ZFPM2: variants seen among roughly 807,000 people sequenced by gnomAD.
ZFPM2 encodes zinc finger protein ZFPM2.
Under a neutral mutation model 98.6 loss-of-function variants are expected in ZFPM2, and 20 were observed. The observed-to-expected ratio is 0.20, with a 90% CI of 0.14 to 0.29. The LOEUF is 0.29. Ranked by LOEUF, ZFPM2 falls within the 10% of genes least tolerant of loss-of-function variation. The pLI is 1.00. For synonymous variants in ZFPM2, 518 were observed against 502.7 expected (o/e 1.03, Z -0.41); for missense variants, 1,310 against 1,388.6 (o/e 0.94, Z 0.90).
chr8:105,612,375 T>C (rs1227491901), intron 4 of ZFPM2, among the ~76,000 whole-genome samples: 10 of 149,558 alleles, frequency 6.7e-5, no homozygotes, highest in East Asian at 1.9e-4. Context: ...AAACGTCCAA[T>C]TGAAAAAAAA....
intron 3 of ZFPM2, among the ~76,000 whole-genome samples, chr8:105,466,388 A>G (rs535403311): frequency 6.6e-6 from 1 of 152,200 alleles, no homozygotes; most frequent in East Asian, 1.9e-4. Context: ...CTTACTATAA[A>G]TTAATTTCTG....
At chr8:105,403,288 T>G (rs1378763313) in intron 1 of ZFPM2, among the ~76,000 whole-genome samples, 1 of 152,042 alleles carries the variant, frequency 6.6e-6, no homozygotes, top group Non-Finnish European at 1.5e-5. Flanking sequence ...TATTAGTGGG[T>G]CCAGCTCTAT....
rs1166886615 is a variant in ZFPM2 at position 105,501,145 on chromosome 8, T to G, written c.301+56764T>G. On this transcript the variant is annotated intron_variant, in intron 3 of 7. Coordinates refer to ENST00000407775, the MANE Select transcript of ZFPM2 (RefSeq NM_012082.4). ...GAAAGGTGTTCTGGTAAGAACATGT[T>G]TTGATTGTGAAGTTCAAACAATATG... is the stretch of plus-strand genomic sequence containing the variant. Among the ~76,000 whole-genome samples the G allele has an allele frequency of 3.9e-5, 6 of 152,144 alleles. No individual in the cohort carries two copies. In the East Asian group the frequency reaches 7.7e-4, roughly 20 times the overall value.
chr8:105,733,665 A>G (rs980832499), intron 5 of ZFPM2, among the ~76,000 whole-genome samples: 1 of 151,860 alleles, frequency 6.6e-6, no homozygotes, highest in African/African-American at 2.4e-5. Flanking sequence ...TTGAGAATCT[A>G]TAAGGTTTGC....
At chr8:105,782,027 TC>T (rs925987720) in intron 5 of ZFPM2, among the ~76,000 whole-genome samples, 11 of 152,266 alleles carry the variant, frequency 7.2e-5, no homozygotes, top group African/African-American at 2.4e-4. Flanking sequence ...CTTCTCCTCC[TC>T]CAGTTCCCCT....
At chr8:105,616,008 T>C (rs1664847333) in intron 4 of ZFPM2, among the ~76,000 whole-genome samples, 1 of 152,150 alleles carries the variant, frequency 6.6e-6, no homozygotes, top group African/African-American at 2.4e-5. Context: ...ATTAAATAAG[T>C]ACTTAAGATT....
At chr8:105,727,569 G>A (rs1049228793) in intron 5 of ZFPM2, among the ~76,000 whole-genome samples, 1 of 151,532 alleles carries the variant, frequency 6.6e-6, no homozygotes, top group African/African-American at 2.4e-5. Flanking sequence ...TGAAAAACTA[G>A]GCTATTAACA....
rs1430102378 is a variant in ZFPM2, at chr8:105,637,005, T to A, written c.532+2648T>A. Among the ~76,000 whole-genome samples, 3 of 152,142 alleles carry A rather than the reference T, an allele frequency of 2.0e-5. No individual in the cohort carries two copies. In the East Asian group the frequency reaches 5.8e-4, roughly 29 times the overall value. On this transcript the variant is annotated intron_variant, in intron 5 of 7. Coordinates refer to ENST00000407775, the MANE Select transcript of ZFPM2 (RefSeq NM_012082.4). The stretch of plus-strand genomic sequence containing the variant: ...TTGCCATGGTCACATGGCTAATAAG[T>A]GATTGAGTGGGATCAAGCATACATT...
chr8:105,325,630 T>A (rs926085827), intron 1 of ZFPM2, among the ~76,000 whole-genome samples: 6 of 151,762 alleles, frequency 4.0e-5, no homozygotes, highest in Admixed American at 1.3e-4. Flanking sequence ...GCAAACTGTT[T>A]AGGGATCTAG....
chr8:105,333,351 A>C (rs751438264), intron 1 of ZFPM2, among the ~76,000 whole-genome samples: 22 of 151,750 alleles, frequency 1.4e-4, no homozygotes, highest in Non-Finnish European at 2.5e-4. Context: ...AAATGAATGA[A>C]CAGAGCAGTA....
intron 5 of ZFPM2, among the ~76,000 whole-genome samples, chr8:105,728,202 T>C (rs1811857967): frequency 6.6e-6 from 1 of 151,628 alleles, no homozygotes; most frequent in Non-Finnish European, 1.5e-5. Context: ...AGTTCTAGAT[T>C]GAGTAAAAAT....
intron 4 of ZFPM2, among the ~76,000 whole-genome samples, chr8:105,579,181 T>A (rs1018471079): frequency 2.0e-5 from 3 of 149,890 alleles, no homozygotes; most frequent in Non-Finnish European, 4.5e-5. Context: ...CATTGCCTGA[T>A]ACAGTAACAT....
intron 5 of ZFPM2, among the ~76,000 whole-genome samples, chr8:105,775,211 G>C (rs1359365803): frequency 6.6e-6 from 1 of 151,984 alleles, no homozygotes; most frequent in Non-Finnish European, 1.5e-5. Context: ...GCACAGAGAA[G>C]TGGAAGGAGA....
At chr8:105,746,226 C>G (rs911392436) in intron 5 of ZFPM2, among the ~76,000 whole-genome samples, 17 of 151,800 alleles carry the variant, frequency 1.1e-4, no homozygotes, top group Admixed American at 5.3e-4. Context: ...TAAGGAGTAT[C>G]TAGTGTGTCA....
intron 1 of ZFPM2, among the ~76,000 whole-genome samples, chr8:105,333,786 C>T (rs529694770): frequency 9.7e-4 from 143 of 147,706 alleles, no homozygotes; most frequent in Non-Finnish European, 1.7e-3. Context: ...CTCAAAGACT[C>T]GTAAAATGAA....
chr8:105,679,132 T>C (rs998976200), intron 5 of ZFPM2: 3 of 152,230 alleles, frequency 2.0e-5, no homozygotes, highest in Non-Finnish European at 4.4e-5. Flanking sequence ...ATACTTTCTA[T>C]GTGCCGCCTG....
Position 105,407,197 on chromosome 8 carries a change from CAG to C in ZFPM2, c.41-11946_41-11945del, listed in dbSNP as rs1468275794. 8.2e-5 allele frequency among the ~76,000 whole-genome samples: 12 copies of C among 146,298 alleles called. No homozygotes were observed. The East Asian group carries it at 1.4e-3, about 17-fold the overall frequency. On this transcript the variant is annotated intron_variant, in intron 1 of 7. Transcript: ENST00000407775. ...GTAAAATATTTTAAGTGTATCAAAA[CAG>C]GGGATGGGTGGTGAAAGAATGATTT...
intron 5 of ZFPM2, among the ~76,000 whole-genome samples, chr8:105,704,743 G>C (rs755955077): frequency 3.3e-5 from 5 of 152,182 alleles, no homozygotes; most frequent in Non-Finnish European, 7.3e-5. Context: ...ACTTAGATAA[G>C]ATGTGCTGCC....
At chr8:105,674,062 G>T (rs1817645172) in intron 5 of ZFPM2, among the ~76,000 whole-genome samples, 1 of 152,092 alleles carries the variant, frequency 6.6e-6, no homozygotes, top group Admixed American at 6.6e-5. Flanking sequence ...TGTTTTTTCT[G>T]CAATAAAGCC....
Sources: allele counts gnomAD v4.1 joint callset (sites outside exome capture counted in the v4.1 genomes callset), GRCh38; gene constraint gnomAD v4.1.1; transcripts MANE v1.5; gene names NCBI Gene and HGNC (gene_info 2026-07-23, HGNC 2026-07-21).